Variants in PECAM1 observed in about 807,000 individuals in gnomAD.
PECAM1 encodes platelet and endothelial cell adhesion molecule 1, also known as platelet endothelial cell adhesion molecule.
PECAM1 carries 8 observed loss-of-function variants against 13.8 expected under a neutral mutation model. That is an observed-to-expected ratio of 0.58 (90% confidence interval 0.34 to 1.05). PECAM1 has a LOEUF of 1.05. PECAM1 is among the 50% of genes least tolerant of loss of function. The probability of loss-of-function intolerance (pLI) is 0.03; values close to 1 mark genes in which losing one functional copy is unlikely to be tolerated. For missense variants in PECAM1, 304 were observed against 141.2 expected, an observed-to-expected ratio of 2.15 and a Z score of -5.84; for synonymous variants, 136 against 52.6, an observed-to-expected ratio of 2.58 and a Z score of -6.86.
Position 64,358,111 on chromosome 17 carries a change from C to CTTTTTTTTTTTTT in PECAM1, c.1493-1726_1493-1714dup, listed in dbSNP as rs141671796. Among the ~76,000 whole-genome samples, 20 of 71,550 alleles carry CTTTTTTTTTTTTT rather than the reference C, an allele frequency of 2.8e-4. 1 individual carries two copies. The highest frequency in any genetic ancestry group is 5.4e-4 in the East Asian group (1 of 1,868). The allele number at this position is 71,550 out of a possible 152,430, so 46.9% of individuals were successfully genotyped here. ...TCCAGCCATCTGATTTGGCCACAGTCTTTTTTTTTTTTTTTTTTTTTTTTT... is the reference window on the plus strand; with the variant it reads ...TCCAGCCATCTGATTTGGCCACAGTCTTTTTTTTTTTTTTTTTTTTTTTTTTTTTTTTTTTTTT... On this transcript the variant is annotated intron_variant, in intron 7 of 15. Coordinates refer to ENST00000563924, the MANE Select transcript of PECAM1 (RefSeq NM_000442.5).
intron 3 of PECAM1, among the ~76,000 whole-genome samples, chr17:64,376,912 G>A (rs2036371755): frequency 6.6e-6 from 1 of 152,158 alleles, no homozygotes; most frequent in South Asian, 2.1e-4. Context: ...GGAGACAGAG[G>A]TTGCAGTGAG....
In PECAM1 at chr17:64,355,013, AGTC is replaced by A; in HGVS notation, c.1805_1807del (p.Gly602_Leu603delinsVal). 1 of 475,402 alleles carries A rather than the reference AGTC, an allele frequency of 2.1e-6. No individual in the cohort carries two copies. The highest frequency in any genetic ancestry group is 3.9e-6 in the Non-Finnish European group (1 of 259,034). The allele number at this position is 475,402 out of a possible 1,614,324, so 29.4% of individuals were successfully genotyped here. A position where few individuals can be genotyped will look rare whatever the true frequency, so the allele number is the denominator to read the frequency against. On this transcript the variant is annotated inframe_deletion, in exon 9 of 16. Coordinates refer to ENST00000563924, the MANE Select transcript of PECAM1 (RefSeq NM_000442.5). ...CACTCCGATGATAACCACTGCAATA[AGTC>A]CTTTCTTCCATGGGGCAAGAATGAC...
intron 14 of PECAM1, among the ~76,000 whole-genome samples, chr17:64,339,026 A>C (rs2035359136): frequency 6.6e-6 from 1 of 152,182 alleles, no homozygotes; most frequent in African/African-American, 2.4e-5. Context: ...AGAGTAAAGG[A>C]AAAAAAGTTA....
rs1241024077 is a variant in PECAM1 at position 64,338,624 on chromosome 17, C to T, written c.2164+3010G>A. Among the ~76,000 whole-genome samples the T allele has an allele frequency of 2.0e-5, 3 of 152,192 alleles. No homozygotes were observed. The East Asian group carries it at 5.8e-4, about 29-fold the overall frequency. ...CCAGGCTGGAGTGCAATAGCGTGAT[C>T]TCGGCTCACTGCAACCTCTGCCTCC... On this transcript the variant is annotated intron_variant, in intron 14 of 15. Transcript: ENST00000563924.
intron 2 of PECAM1, among the ~76,000 whole-genome samples, chr17:64,384,262 C>T (rs118198753): frequency 6.6e-6 from 1 of 152,180 alleles, no homozygotes; most frequent in African/African-American, 2.4e-5. Flanking sequence ...ATTTTATAAA[C>T]TCTGTTGAGA....
chr17:64,353,031 A>T (rs2035763762), intron 10 of PECAM1, among the ~76,000 whole-genome samples: 1 of 152,088 alleles, frequency 6.6e-6, no homozygotes, highest in East Asian at 1.9e-4. Context: ...GGCTACTACC[A>T]AGCCCCTGAA....
At chr17:64,348,478 G>C (rs2035636654) in intron 12 of PECAM1, among the ~76,000 whole-genome samples, 156 bp from the exon 13 acceptor site, 1 of 148,720 alleles carries the variant, frequency 6.7e-6, no homozygotes, top group South Asian at 2.1e-4. Context: ...TGTGATCTCA[G>C]CTCACTGCAA....
intron 2 of PECAM1, among the ~76,000 whole-genome samples, chr17:64,379,495 AC>A (rs2143885531): frequency 6.6e-6 from 1 of 152,288 alleles, no homozygotes; most frequent in South Asian, 2.1e-4. Flanking sequence ...TTCAGAGCAG[AC>A]CAGGGTGAAC....
At chr17:64,325,451 C>G (rs2034927148) in intron 15 of PECAM1, among the ~76,000 whole-genome samples, 1 of 151,178 alleles carries the variant, frequency 6.6e-6, no homozygotes, top group East Asian at 2.0e-4. Flanking sequence ...AAAAAGGATT[C>G]CTGGCTGGGC....
At chr17:64,380,970 ACT>A (rs1445356450) in intron 2 of PECAM1, among the ~76,000 whole-genome samples, 1 of 151,944 alleles carries the variant, frequency 6.6e-6, no homozygotes, top group African/African-American at 2.4e-5. Flanking sequence ...ACAGAATAAG[ACT>A]CTGTCTGCAA....
At chr17:64,354,741 G>A (rs1300900990) in intron 9 of PECAM1, among the ~76,000 whole-genome samples, 192 bp downstream of exon 9, 6 of 152,220 alleles carry the variant, frequency 3.9e-5, no homozygotes, top group African/African-American at 1.4e-4. Flanking sequence ...CAAATCTACA[G>A]AAATGGCTTC....
intron 5 of PECAM1, among the ~76,000 whole-genome samples, chr17:64,367,077 C>T (rs2036126160): frequency 1.3e-5 from 2 of 150,666 alleles, no homozygotes; most frequent in Non-Finnish European, 2.9e-5. Flanking sequence ...TTCATGCATT[C>T]ACTCATGTAT....
chr17:64,341,489 G>A lies in PECAM1; in HGVS notation c.2164+145C>T, dbSNP rs990836025. ...AGGTGACTTTTTAAGGGTGGTGGGA[G>A]AGAGGAAGCCCACAGCGCTGGTGTA... On this transcript the variant is annotated intron_variant, in intron 14 of 15. Coordinates refer to ENST00000563924, the MANE Select transcript of PECAM1 (RefSeq NM_000442.5). The A allele has an allele frequency of 7.7e-4, 308 of 399,500 alleles. 3 individuals carry two copies. Among genetic ancestry groups the A allele is most frequent in the Non-Finnish European group, 1.9e-4 (43 of 222,124 alleles). The allele number at this position is 399,500 out of a possible 1,614,324, so 24.7% of individuals were successfully genotyped here.
intron 2 of PECAM1, among the ~76,000 whole-genome samples, chr17:64,384,573 GC>G (rs1326648745): frequency 2.6e-5 from 4 of 152,222 alleles, no homozygotes; most frequent in African/African-American, 7.2e-5. Context: ...AGCATAAGCA[GC>G]CCTGTGGAAG....
chr17:64,346,844 T>C (rs2143755987), intron 13 of PECAM1, among the ~76,000 whole-genome samples: 1 of 152,334 alleles, frequency 6.6e-6, no homozygotes, highest in East Asian at 1.9e-4. Flanking sequence ...AGGGATCTTG[T>C]GCTTTCAAAA....
chr17:64,371,110 C>T (rs1021693374), intron 4 of PECAM1, among the ~76,000 whole-genome samples: 70,740 of 151,862 alleles, frequency 0.47, 16,683 homozygotes, highest in Middle Eastern at 0.58. Flanking sequence ...CCAGATGCAC[C>T]AGATATTTAA....
chr17:64,382,701 T>C (rs2036507130), intron 2 of PECAM1, among the ~76,000 whole-genome samples: 1 of 151,312 alleles, frequency 6.6e-6, no homozygotes, highest in South Asian at 2.1e-4. Context: ...AAGCTGTGTC[T>C]CCACTACATG....
At chr17:64,336,217 G>C (rs1466943130) in intron 14 of PECAM1, among the ~76,000 whole-genome samples, 1 of 151,378 alleles carries the variant, frequency 6.6e-6, no homozygotes, top group Non-Finnish European at 1.5e-5. Context: ...AGTGAGCTGC[G>C]ATCGCGCCAC....
intron 5 of PECAM1, among the ~76,000 whole-genome samples, 190 bp from the exon 6 acceptor site, chr17:64,363,587 G>C (rs2036035247): frequency 6.6e-6 from 1 of 152,140 alleles, no homozygotes; most frequent in Admixed American, 6.5e-5. Flanking sequence ...CTTTGCCTAG[G>C]ATTCCAATGG....
Sources: allele counts gnomAD v4.1 joint callset (sites outside exome capture counted in the v4.1 genomes callset), GRCh38; gene constraint gnomAD v4.1.1; transcripts MANE v1.5; gene names NCBI Gene and HGNC (gene_info 2026-07-23, HGNC 2026-07-21).